The following APOH variants were observed in gnomAD, a reference collection of about 807,000 sequenced individuals.
The protein encoded by APOH is apolipoprotein H.
APOH carries 48 observed loss-of-function variants against 39.8 expected under a neutral mutation model. The observed-to-expected ratio is 1.21, with a 90% CI of 0.96 to 1.54. The LOEUF (loss-of-function observed/expected upper bound fraction) is 1.54. APOH is among the 40% of genes most tolerant of loss of function. The pLI is 0.00. For missense variants in APOH, 415 were observed against 421.2 expected (o/e 0.99, Z 0.13); for synonymous variants, 153 against 151.1 (o/e 1.01, Z -0.09).
At chr17:66,226,895 A>ATTT (rs748060781) in intron 2 of APOH, among the ~76,000 whole-genome samples, 1,863 of 108,036 alleles carry the variant, frequency 0.017, 35 homozygotes, top group African/African-American at 0.056. Flanking sequence ...TTATTTATTT[A>ATTT]TTTTTTTTTT....
intron 7 of APOH, among the ~76,000 whole-genome samples, chr17:66,212,754 AG>A (rs963168572): frequency 6.6e-6 from 1 of 152,222 alleles, no homozygotes; most frequent in African/African-American, 2.4e-5. Flanking sequence ...TCAAGATTAA[AG>A]GGGAAAAAAC....
At chr17:66,216,253 C>T (rs947986177) in intron 6 of APOH, among the ~76,000 whole-genome samples, 1 of 151,606 alleles carries the variant, frequency 6.6e-6, no homozygotes, top group Non-Finnish European at 1.5e-5. Flanking sequence ...GAGGCCGAGG[C>T]GGGCGGATCA....
intron 2 of APOH, among the ~76,000 whole-genome samples, chr17:66,226,421 T>G (rs1026498838): frequency 2.0e-5 from 3 of 152,158 alleles, no homozygotes; most frequent in Non-Finnish European, 4.4e-5. Flanking sequence ...GTGGATCACT[T>G]GAGGTCAGGA....
At chr17:66,214,793 A>G in intron 6 of APOH, 143 bp from the exon 7 acceptor site, 1 of 669,476 alleles carries the variant, frequency 1.5e-6, no homozygotes, top group Non-Finnish European at 2.6e-6. Flanking sequence ...ATAGTAAGTA[A>G]TGGTAATATG....
chr17:66,215,098 T>C (rs950502734), intron 6 of APOH, among the ~76,000 whole-genome samples: 2 of 152,034 alleles, frequency 1.3e-5, no homozygotes, highest in Non-Finnish European at 2.9e-5. Context: ...AAGCCACCTC[T>C]CCCAGGAGTT....
chr17:66,223,644 T>C (rs1315035300), intron 4 of APOH, 54 bp downstream of exon 4: 4 of 1,533,518 alleles, frequency 2.6e-6, no homozygotes, highest in African/African-American at 2.7e-5. Flanking sequence ...CTTTGAGTGC[T>C]AAAACCAGAA....
intron 5 of APOH, among the ~76,000 whole-genome samples, chr17:66,217,369 A>T (rs1223088808): frequency 7.6e-6 from 1 of 132,354 alleles, no homozygotes; most frequent in Non-Finnish European, 1.6e-5. Context: ...CACACTTAGT[A>T]CACCATTATT....
chr17:66,223,832 A>G, intron 3 of APOH, 58 bp from the exon 4 acceptor site: 2 of 1,422,132 alleles, frequency 1.4e-6, no homozygotes, highest in African/African-American at 1.4e-5. Context: ...TGACATCTCA[A>G]ATATCTTCTC....
At chr17:66,213,026 A>G (rs901719041) in intron 7 of APOH, among the ~76,000 whole-genome samples, 6 of 152,220 alleles carry the variant, frequency 3.9e-5, no homozygotes, top group African/African-American at 1.4e-4. Context: ...CATGTCATGC[A>G]TATTTCTAAT....
At chr17:66,217,348 C>CA in intron 5 of APOH, among the ~76,000 whole-genome samples, 1 of 142,664 alleles carries the variant, frequency 7.0e-6, no homozygotes. Flanking sequence ...GACTGAACCC[C>CA]CCCCCCCATT....
chr17:66,224,437 G>T (rs1214366138), intron 3 of APOH, among the ~76,000 whole-genome samples: 1 of 115,818 alleles, frequency 8.6e-6, no homozygotes, highest in Non-Finnish European at 1.6e-5. Context: ...TTGTGCCACT[G>T]CACTCTAGAC....
At chr17:66,228,828 C>A (rs560220971) in intron 1 of APOH, among the ~76,000 whole-genome samples, 22 of 149,028 alleles carry the variant, frequency 1.5e-4, no homozygotes, top group Middle Eastern at 3.4e-3. Flanking sequence ...TTTAATTATT[C>A]TTCTTCTTAT....
At chr17:66,223,649 C>T in intron 4 of APOH, 49 bp downstream of exon 4, 1 of 1,557,486 alleles carries the variant, frequency 6.4e-7, no homozygotes, top group Non-Finnish European at 8.9e-7. Flanking sequence ...AGTGCTAAAA[C>T]CAGAAAGGTT....
At position 66,226,073 on chromosome 17, in the gene APOH, G is replaced by C. The variant is rs375933687; in HGVS notation, c.293C>G (p.Thr98Arg). The C allele has an allele frequency of 1.2e-6, 2 of 1,613,448 alleles. No homozygotes were observed. Among genetic ancestry groups the C allele is most frequent in the Admixed American group, 1.7e-5 (1 of 59,958 alleles). ...GILENGAVRY[T>R]TFEYPNTISF... ...GATCGTGTTGGGATATTCAAAAGTC[G>C]TATAGCGTACGGCTCCATTTTCTAA... is the stretch of plus-strand genomic sequence containing the variant. The change falls in exon 3 of 8, where the codon ACG becomes AGG. Residue 98 changes from threonine to arginine, a missense_variant. Around this residue, in one of 3 missense-constraint regions of APOH, gnomAD observed 288 missense variants for 284.9 expected, o/e 1.01. Coordinates refer to ENST00000205948, the MANE Select transcript of APOH (RefSeq NM_000042.3).
intron 5 of APOH, 90 bp downstream of exon 5, chr17:66,220,464 G>A: frequency 7.7e-7 from 1 of 1,291,826 alleles, no homozygotes; most frequent in Non-Finnish European, 1.1e-6. Context: ...GAGTTCATTG[G>A]AAACACTCCA....
chr17:66,216,360 T>C (rs554294666), intron 6 of APOH, among the ~76,000 whole-genome samples: 2 of 151,796 alleles, frequency 1.3e-5, no homozygotes, highest in East Asian at 3.9e-4. Flanking sequence ...GTGGGGTGCC[T>C]GTAATCCCAG....
At chr17:66,220,532 T>C in intron 5 of APOH, 22 bp downstream of exon 5, 1 of 1,609,382 alleles carries the variant, frequency 6.2e-7, no homozygotes, top group Non-Finnish European at 8.5e-7. Context: ...CCATGCGTAT[T>C]TTGTCTGATC....
chr17:66,227,938 G>T, intron 2 of APOH, 82 bp downstream of exon 2: 1 of 1,468,984 alleles, frequency 6.8e-7, no homozygotes, highest in Non-Finnish European at 9.3e-7. Context: ...TCTGCACTCT[G>T]AGCATGACGA....
chr17:66,227,255 A>C (rs1358225516), intron 2 of APOH, among the ~76,000 whole-genome samples: 1 of 152,204 alleles, frequency 6.6e-6, no homozygotes, highest in Non-Finnish European at 1.5e-5. Flanking sequence ...TAGGCTCTTT[A>C]AGCAAAAAAG....
Sources: gnomAD v4.1 joint callset for allele counts (sites outside exome capture counted in the v4.1 genomes callset) on GRCh38, gnomAD v4.1.1 for gene constraint, gnomAD v4.1.1 regional missense constraint, MANE v1.5 for transcripts, NCBI Gene and HGNC (gene_info 2026-07-23, HGNC 2026-07-21) for gene names.